The following EIF4H variants were observed in gnomAD, a reference collection of about 807,000 sequenced individuals.
The protein encoded by EIF4H is eukaryotic translation initiation factor 4H, also known as Williams-Beuren syndrome chromosome region 1.
In EIF4H, 8 loss-of-function variants were observed where a neutral mutation model predicts 30.6. The observed-to-expected ratio is 0.26, with a 90% CI of 0.15 to 0.47. The LOEUF is 0.47. EIF4H is among the 20% of genes least tolerant of loss of function. EIF4H has a pLI of 0.99. For missense variants in EIF4H, 188 were observed against 339.5 expected, an observed-to-expected ratio of 0.55 and a Z score of 3.51; for synonymous variants, 106 against 122.7, an observed-to-expected ratio of 0.86 and a Z score of 0.90.
intron 2 of EIF4H, among the ~76,000 whole-genome samples, chr7:74,188,906 C>A (rs1423048677): frequency 1.3e-5 from 2 of 152,186 alleles, no homozygotes; most frequent in African/African-American, 4.8e-5. Context: ...ATGTTCTTAA[C>A]ACACAGTTGG....
chr7:74,177,870 T>C (rs1472401672), intron 1 of EIF4H, among the ~76,000 whole-genome samples: 1 of 152,212 alleles, frequency 6.6e-6, no homozygotes, highest in Non-Finnish European at 1.5e-5. Context: ...AGTTCAGCCA[T>C]GTGTTAGTTG....
intron 1 of EIF4H, among the ~76,000 whole-genome samples, chr7:74,184,496 G>A (rs1345002574): frequency 2.6e-5 from 4 of 151,276 alleles, no homozygotes; most frequent in Admixed American, 1.3e-4. Context: ...TGTTTTATAC[G>A]TCCCACACAA....
intron 2 of EIF4H, among the ~76,000 whole-genome samples, chr7:74,188,056 C>T (rs1343973282): frequency 6.6e-6 from 1 of 152,186 alleles, no homozygotes; most frequent in African/African-American, 2.4e-5. Flanking sequence ...CTGACCTCTA[C>T]AGCAGTCCTG....
At chr7:74,178,095 A>G (rs1313507139) in intron 1 of EIF4H, among the ~76,000 whole-genome samples, 2 of 152,008 alleles carry the variant, frequency 1.3e-5, no homozygotes, top group African/African-American at 4.8e-5. Context: ...GTGCGCCACC[A>G]TGCCCAGCTA....
rs372084592 is a variant in EIF4H, at chr7:74,195,205, C to G, written c.644C>G (p.Pro215Arg). ...RAQRPRLQLK[P>R]RTVATPLNQV... is the part of the protein sequence containing the mutation. ...CAGAGACCACGACTCCAGCTTAAAC[C>G]TCGAACAGTCGCGACGCCCCTCAAT... The change falls in exon 7 of 7, where the codon CCT (proline) becomes CGT (arginine). Residue 215 changes from proline to arginine, a missense_variant. Physicochemically the swap from Pro to Arg is moderately radical, Grantham distance 103. Transcript: ENST00000265753. 6 of 1,613,954 alleles carry G rather than the reference C, an allele frequency of 3.7e-6. No homozygotes were observed. Among genetic ancestry groups the G allele is most frequent in the Non-Finnish European group, 5.1e-6 (6 of 1,179,852 alleles).
chr7:74,180,057 TGTG>T (rs1232850039), intron 1 of EIF4H, among the ~76,000 whole-genome samples: 1 of 152,000 alleles, frequency 6.6e-6, no homozygotes, highest in African/African-American at 2.4e-5. Context: ...AATTAGCTGG[TGTG>T]GTGGTATATG....
At chr7:74,181,214 A>C (rs1457278213) in intron 1 of EIF4H, among the ~76,000 whole-genome samples, 1 of 152,150 alleles carries the variant, frequency 6.6e-6, no homozygotes, top group African/African-American at 2.4e-5. Context: ...TTTCTGTTAC[A>C]TCTATCTTCC....
intron 1 of EIF4H, among the ~76,000 whole-genome samples, chr7:74,185,840 G>T (rs762669204): frequency 6.0e-5 from 9 of 150,396 alleles, no homozygotes; most frequent in Non-Finnish European, 8.9e-5. Flanking sequence ...TTCCCGTTTA[G>T]AAAAAAAAAC....
At chr7:74,189,417 A>G (rs1436100338) in intron 2 of EIF4H, among the ~76,000 whole-genome samples, 1 of 152,230 alleles carries the variant, frequency 6.6e-6, no homozygotes, top group Non-Finnish European at 1.5e-5. Context: ...TATGGTTAAA[A>G]CATTCAAGAA....
intron 2 of EIF4H, 116 bp downstream of exon 2, chr7:74,187,914 A>C: frequency 8.0e-7 from 1 of 1,252,606 alleles, no homozygotes. Flanking sequence ...AGTGTTTTAA[A>C]CATTTGCCTG....
chr7:74,191,196 T>C, intron 5 of EIF4H: 1 of 534,244 alleles, frequency 1.9e-6, no homozygotes, highest in Non-Finnish European at 3.8e-6. Flanking sequence ...TTAAAAGTCC[T>C]GTAGCCAGTC....
chr7:74,191,147 G>A (rs1409203657), intron 5 of EIF4H: 5 of 531,724 alleles, frequency 9.4e-6, no homozygotes, highest in African/African-American at 1.9e-5. Flanking sequence ...CTCAGCTTTG[G>A]CTGAACAGGT....
chr7:74,186,226 T>C (rs1801077585), intron 1 of EIF4H, among the ~76,000 whole-genome samples: 1 of 149,500 alleles, frequency 6.7e-6, no homozygotes, highest in Non-Finnish European at 1.5e-5. Flanking sequence ...TATTCTGATG[T>C]CTTTTTTTTT....
At chr7:74,174,860 T>G (rs1422796880) in intron 1 of EIF4H, among the ~76,000 whole-genome samples, 2 of 152,202 alleles carry the variant, frequency 1.3e-5, no homozygotes, top group Non-Finnish European at 2.9e-5. Flanking sequence ...GGCCCTCTGT[T>G]GCCTGCCCGC....
At chr7:74,181,399 T>G (rs1554708376) in intron 1 of EIF4H, among the ~76,000 whole-genome samples, 1 of 152,100 alleles carries the variant, frequency 6.6e-6, no homozygotes, top group African/African-American at 2.4e-5. Flanking sequence ...TAGATGTATC[T>G]TATATATTCT....
intron 1 of EIF4H, among the ~76,000 whole-genome samples, chr7:74,181,628 A>C (rs763933723): frequency 8.6e-5 from 13 of 151,520 alleles, no homozygotes; most frequent in Non-Finnish European, 1.5e-4. Flanking sequence ...ATAGAGCAGA[A>C]ACAGAGGGTT....
In EIF4H at chr7:74,174,417, T is replaced by C; in HGVS notation, c.34T>C (p.Tyr12His). 1.4e-6 allele frequency: 2 copies of C among 1,449,300 alleles called. No homozygotes were observed. Among genetic ancestry groups the C allele is most frequent in the Non-Finnish European group, 1.8e-6 (2 of 1,086,518 alleles). 89.8% of individuals were successfully genotyped at this position (1,449,300 alleles called of 1,614,324 possible). A position where few individuals can be genotyped will look rare whatever the true frequency, so the allele number is the denominator to read the frequency against. ...CTTCGACACCTACGACGATCGGGCC[T>C]ACAGCAGCTTCGGCGGCGGCAGAGG... Reference protein sequence around the residue: ...ADFDTYDDRAYSSFGGGRGSR... With the variant: ...ADFDTYDDRAHSSFGGGRGSR... The change falls in exon 1 of 7, where the codon TAC becomes CAC. Residue 12 changes from tyrosine (Y) to histidine (H), a missense_variant. Physicochemically the swap from Tyr to His is moderately conservative, Grantham distance 83. This residue lies in a region of EIF4H where 43 missense variants were observed against 43.4 expected (regional missense o/e 0.99). Coordinates refer to ENST00000265753, the MANE Select transcript of EIF4H (RefSeq NM_022170.2).
intron 1 of EIF4H, among the ~76,000 whole-genome samples, chr7:74,180,537 CT>C (rs1800937126): frequency 6.6e-6 from 1 of 152,188 alleles, no homozygotes; most frequent in Non-Finnish European, 1.5e-5. Context: ...TTTGATGCCC[CT>C]GCCTTCGTTT....
At chr7:74,189,475 G>T (rs1554709580) in intron 2 of EIF4H, among the ~76,000 whole-genome samples, 198 bp from the exon 3 acceptor site, 1 of 152,178 alleles carries the variant, frequency 6.6e-6, no homozygotes, top group Non-Finnish European at 1.5e-5. Flanking sequence ...TGTTCAGTTA[G>T]CATTTTCTGA....
Sources: gnomAD v4.1 joint callset for allele counts (sites outside exome capture counted in the v4.1 genomes callset) on GRCh38, gnomAD v4.1.1 for gene constraint, gnomAD v4.1.1 regional missense constraint, MANE v1.5 for transcripts, NCBI Gene and HGNC (gene_info 2026-07-23, HGNC 2026-07-21) for gene names.